The following MCTP1 variants were observed in gnomAD, a reference collection of about 807,000 sequenced individuals.
The protein encoded by MCTP1 is multiple C2 and transmembrane domain containing 1.
A neutral mutation model predicts 120.6 loss-of-function variants in MCTP1; 69 were observed. The observed-to-expected ratio is 0.57, with a 90% CI of 0.47 to 0.70. The LOEUF (loss-of-function observed/expected upper bound fraction) is 0.70, where lower values mean the gene tolerates loss of function less well. MCTP1 is among the 30% of genes least tolerant of loss of function. MCTP1 has a pLI of 0.00. For missense variants in MCTP1, 1,203 were observed against 1,248.8 expected, an observed-to-expected ratio of 0.96 and a Z score of 0.55; for synonymous variants, 529 against 493.1, an observed-to-expected ratio of 1.07 and a Z score of -0.96.
At chr5:94,749,840 A>T (rs562327976) in intron 19 of MCTP1, among the ~76,000 whole-genome samples, 1 of 152,252 alleles carries the variant, frequency 6.6e-6, no homozygotes, top group South Asian at 2.1e-4. Context: ...CAATGCTGTA[A>T]GGTAAGCACT....
chr5:94,900,672 G>C (rs1432788330), intron 10 of MCTP1, among the ~76,000 whole-genome samples: 1 of 152,194 alleles, frequency 6.6e-6, no homozygotes, highest in African/African-American at 2.4e-5. Flanking sequence ...CACAGATTCT[G>C]TGTTACTTTG....
At chr5:95,234,782 A>G (rs1029961992) in intron 1 of MCTP1, among the ~76,000 whole-genome samples, 3 of 152,192 alleles carry the variant, frequency 2.0e-5, no homozygotes, top group African/African-American at 7.2e-5. Flanking sequence ...CCCAAAGCTG[A>G]CTTCAAAAAT....
At chr5:94,904,023 G>A (rs1276216388) in intron 10 of MCTP1, among the ~76,000 whole-genome samples, 2 of 152,164 alleles carry the variant, frequency 1.3e-5, no homozygotes, top group Non-Finnish European at 2.9e-5. Flanking sequence ...GGGGCAGTCC[G>A]TCTTGCCTGC....
intron 17 of MCTP1, among the ~76,000 whole-genome samples, chr5:94,850,599 TGGGACATGGATTGACAGCTTTTG>T (rs761626740): frequency 1.3e-5 from 2 of 152,158 alleles, no homozygotes; most frequent in Non-Finnish European, 2.9e-5. Flanking sequence ...CACTGCACAC[TGGGACATGGATTGACAGCTTTTG>T]TTTTAAAACT....
At chr5:95,138,738 T>C (rs1303563273) in intron 1 of MCTP1, among the ~76,000 whole-genome samples, 1 of 152,208 alleles carries the variant, frequency 6.6e-6, no homozygotes, top group Non-Finnish European at 1.5e-5. Context: ...GGATTCCTTA[T>C]CACAAGGTAT....
At chr5:95,253,355 G>A (rs1356673342) in intron 1 of MCTP1, among the ~76,000 whole-genome samples, 1 of 151,934 alleles carries the variant, frequency 6.6e-6, no homozygotes, top group Non-Finnish European at 1.5e-5. Context: ...CCATCTACCT[G>A]GTATAATTTG....
intron 11 of MCTP1, among the ~76,000 whole-genome samples, chr5:94,892,527 A>G (rs1802913301): frequency 6.6e-6 from 1 of 152,190 alleles, no homozygotes; most frequent in Non-Finnish European, 1.5e-5. Context: ...GAAAAAAGAA[A>G]AATGGAATTA....
chr5:94,750,101 C>G (rs1315942054), intron 19 of MCTP1, among the ~76,000 whole-genome samples: 1 of 152,184 alleles, frequency 6.6e-6, no homozygotes, highest in Non-Finnish European at 1.5e-5. Context: ...ATAGCATATT[C>G]CAGTCCCTTG....
rs1754356413 is a variant in MCTP1 at position 94,705,543 on chromosome 5, G to GGAAA, written c.*1949_*1952dup. 1.3e-5 allele frequency: 2 copies of GGAAA among 150,408 alleles called. No individual in the cohort carries two copies. The highest frequency in any genetic ancestry group is 2.4e-5 in the African/African-American group (1 of 41,060). The allele number at this position is 150,408 out of a possible 1,614,324, so 9.3% of individuals were successfully genotyped here. A position where few individuals can be genotyped will look rare whatever the true frequency, so the allele number is the denominator to read the frequency against. ...AAAAAAGGAGTGCTGATTATACGTG[G>GGAAA]GAAAGATTATTTTCTTTTGTATTTA... On this transcript the variant is annotated 3_prime_UTR_variant, in exon 23 of 23. Transcript: ENST00000515393.
intron 1 of MCTP1, among the ~76,000 whole-genome samples, chr5:95,238,530 T>C (rs908840179): frequency 1.3e-5 from 2 of 152,094 alleles, no homozygotes; most frequent in African/African-American, 4.8e-5. Flanking sequence ...AATCAATGTG[T>C]CACTCATATC....
intron 17 of MCTP1, among the ~76,000 whole-genome samples, chr5:94,823,253 G>A (rs1360618358): frequency 1.3e-5 from 2 of 152,146 alleles, no homozygotes; most frequent in Admixed American, 1.3e-4. Flanking sequence ...TCCAGTTTAA[G>A]TTTTCAGTAT....
At chr5:94,918,004 G>A (rs370638995) in intron 7 of MCTP1, 31 bp from the exon 8 acceptor site, 51 of 1,572,626 alleles carry the variant, frequency 3.2e-5, no homozygotes, top group Middle Eastern at 1.7e-4. Flanking sequence ...AGAGCTGTAC[G>A]GGGAAGCTTT....
At position 94,916,383 on chromosome 5, in the gene MCTP1, G is replaced by A. The variant is rs571242239; in HGVS notation, c.1350+1513C>T. ...TTCTTATGTTTGATTTTTCTAGACT[G>A]TACTTCAGGGCCCCAGGTGTACTAA... is the stretch of plus-strand genomic sequence containing the variant. On this transcript the variant is annotated intron_variant, in intron 8 of 22. Transcript: ENST00000515393. 2.8e-4 allele frequency among the ~76,000 whole-genome samples: 43 copies of A among 152,216 alleles called. 1 individual carries two copies. In the South Asian group the frequency reaches 8.7e-3, roughly 31 times the overall value.
At chr5:94,752,119 ATATAT>A (rs1229375476) in intron 19 of MCTP1, among the ~76,000 whole-genome samples, 3 of 52,946 alleles carry the variant, frequency 5.7e-5, no homozygotes, top group Admixed American at 2.3e-4. Context: ...ATATATATAT[ATATAT>A]ATATATATAT....
intron 17 of MCTP1, among the ~76,000 whole-genome samples, chr5:94,832,700 C>G (rs1788825107): frequency 6.6e-6 from 1 of 152,042 alleles, no homozygotes; most frequent in Admixed American, 6.6e-5. Flanking sequence ...GTTGTGAGCA[C>G]TACCTTAAAT....
At chr5:94,715,295 T>G (rs1253521150) in intron 19 of MCTP1, among the ~76,000 whole-genome samples, 1 of 149,780 alleles carries the variant, frequency 6.7e-6, no homozygotes, top group African/African-American at 2.5e-5. Context: ...CAAATTTTGT[T>G]GTGGCTCCAG....
chr5:95,126,425 A>G (rs1426241559), intron 1 of MCTP1, among the ~76,000 whole-genome samples: 1 of 152,208 alleles, frequency 6.6e-6, no homozygotes, highest in Non-Finnish European at 1.5e-5. Flanking sequence ...AAAACCATGC[A>G]TGCATTTATT....
intron 1 of MCTP1, among the ~76,000 whole-genome samples, chr5:95,218,226 T>C (rs1414279403): frequency 6.6e-6 from 1 of 152,206 alleles, no homozygotes; most frequent in East Asian, 1.9e-4. Flanking sequence ...AGTAGATGCA[T>C]GATACAATAG....
chr5:95,048,111 T>C (rs28637442), intron 1 of MCTP1, among the ~76,000 whole-genome samples: 5,433 of 152,306 alleles, frequency 0.036, 102 homozygotes, highest in African/African-American at 0.049. Flanking sequence ...GCTTTTACTC[T>C]CTAACATGTT....
Sources: gnomAD v4.1 joint callset for allele counts (sites outside exome capture counted in the v4.1 genomes callset) on GRCh38, gnomAD v4.1.1 for gene constraint, MANE v1.5 for transcripts, NCBI Gene and HGNC (gene_info 2026-07-23, HGNC 2026-07-21) for gene names.